The following IL1RL2 variants were observed in gnomAD, a reference collection of about 807,000 sequenced individuals.
IL1RL2 encodes interleukin 1 receptor like 2, also known as interleukin-1 receptor-like 2.
In IL1RL2, 68 loss-of-function variants were observed where a neutral mutation model predicts 66.8. That is an observed-to-expected ratio of 1.02 (90% CI 0.84 to 1.25). IL1RL2 has a LOEUF of 1.25. IL1RL2 is among the 50% of genes most tolerant of loss of function. The pLI is 0.00. For synonymous variants in IL1RL2, 305 were observed against 264.6 expected, an observed-to-expected ratio of 1.15 and a Z score of -1.48; for missense variants, 729 against 709.3, an observed-to-expected ratio of 1.03 and a Z score of -0.32.
At position 102,213,503 on chromosome 2, in the gene IL1RL2, ATTAT is replaced by A. The variant is rs548598297; in HGVS notation, c.724+1332_724+1335del. 7.0e-3 allele frequency among the ~76,000 whole-genome samples: 1,063 copies of A among 152,298 alleles called. 7 individuals are homozygous for A. Among genetic ancestry groups the A allele is most frequent in the African/African-American group, 0.019 (806 of 41,568 alleles). ...ATCGTACCCATAAATATATGTAATT[ATTAT>A]TTGTCTATTAAAACTAAAGAAAAAT... is the stretch of plus-strand genomic sequence containing the variant. On this transcript the variant is annotated intron_variant, in intron 6 of 11. Coordinates refer to ENST00000264257, the MANE Select transcript of IL1RL2 (RefSeq NM_003854.4).
At chr2:102,235,427 T>G (rs1674796424) in intron 11 of IL1RL2, 150 bp downstream of exon 11, 5 of 1,444,534 alleles carry the variant, frequency 3.5e-6, no homozygotes, top group Non-Finnish European at 4.5e-6. Flanking sequence ...CTGTTGTGTT[T>G]GTTGTCATTT....
intron 4 of IL1RL2, 66 bp downstream of exon 4, chr2:102,192,186 T>C: frequency 9.0e-6 from 10 of 1,112,192 alleles, no homozygotes; most frequent in Non-Finnish European, 1.3e-5. Flanking sequence ...TTTTTATAGG[T>C]TAAGTTGTAT....
chr2:102,194,710 CTG>C (rs145175486), intron 4 of IL1RL2, among the ~76,000 whole-genome samples: 3 of 151,202 alleles, frequency 2.0e-5, no homozygotes, highest in South Asian at 2.1e-4. Context: ...ACTTGGATGT[CTG>C]TGTGTGTGTG....
chr2:102,201,356 C>T (rs1485181021), intron 4 of IL1RL2, among the ~76,000 whole-genome samples, 200 bp from the exon 5 acceptor site: 1 of 152,096 alleles, frequency 6.6e-6, no homozygotes, highest in African/African-American at 2.4e-5. Flanking sequence ...CACATATATA[C>T]ACATTATATA....
chr2:102,230,619 G>C (rs1047356435), intron 9 of IL1RL2, among the ~76,000 whole-genome samples: 3 of 152,208 alleles, frequency 2.0e-5, no homozygotes, highest in Admixed American at 2.0e-4. Flanking sequence ...GGCAGGGCAG[G>C]GAGCCAACGA....
intron 9 of IL1RL2, among the ~76,000 whole-genome samples, chr2:102,227,528 T>A (rs1262277423): frequency 6.6e-6 from 1 of 152,156 alleles, no homozygotes; most frequent in Non-Finnish European, 1.5e-5. Context: ...CAGTGCAACC[T>A]GAAGTGCTGC....
chr2:102,197,487 G>A (rs1370506435), intron 4 of IL1RL2, among the ~76,000 whole-genome samples: 1 of 152,186 alleles, frequency 6.6e-6, no homozygotes, highest in African/African-American at 2.4e-5. Flanking sequence ...AGAAAGTTCA[G>A]GTGGAAAAGT....
At chr2:102,202,327 A>C (rs1688331514) in intron 5 of IL1RL2, among the ~76,000 whole-genome samples, 2 of 151,792 alleles carry the variant, frequency 1.3e-5, no homozygotes, top group Non-Finnish European at 2.9e-5. Flanking sequence ...TTTTGTGGGT[A>C]CATAATAGGT....
rs781400207 is a variant in IL1RL2, at chr2:102,225,890, A to T, written c.992-8A>T. The stretch of plus-strand genomic sequence containing the variant: ...TAATTATTATTATTTTTTTGCTGTC[A>T]TTTGTAGCTCCGGATTTTCGAGCTT... On this transcript the variant is annotated splice_region_variant and splice_polypyrimidine_tract_variant and intron_variant, in intron 8 of 11. Coordinates refer to ENST00000264257, the MANE Select transcript of IL1RL2 (RefSeq NM_003854.4). 3.2e-6 allele frequency: 5 copies of T among 1,556,706 alleles called. No individual in the cohort carries two copies. The highest frequency in any genetic ancestry group is 1.2e-5 in the South Asian group (1 of 80,016).
intron 9 of IL1RL2, among the ~76,000 whole-genome samples, chr2:102,227,999 A>G (rs1690782875): frequency 6.6e-6 from 1 of 152,172 alleles, no homozygotes; most frequent in Non-Finnish European, 1.5e-5. Context: ...CAGATGAGAG[A>G]GTTAGGCAGC....
In IL1RL2 at chr2:102,212,137, C is replaced by G. The variant is rs150242167; in HGVS notation, c.687C>G (p.Ile229Met). 7.5e-4 allele frequency: 1,216 copies of G among 1,613,374 alleles called. No individual in the cohort carries two copies. The highest frequency in any genetic ancestry group is 4.0e-3 in the Middle Eastern group (24 of 6,058). Residue 229 changes from isoleucine (I) to methionine (M), a missense_variant, in exon 6 of 12, where the codon ATC (isoleucine) becomes ATG (methionine). Coordinates refer to ENST00000264257, the MANE Select transcript of IL1RL2 (RefSeq NM_003854.4). ...RAGYGGSVPKIIYPKNHSIEV... is the reference protein window; with the variant it reads ...RAGYGGSVPKMIYPKNHSIEV... Reference sequence around the variant, plus strand: ...GATATGGAGGAAGTGTCCCTAAAATCATTTATCCAAAAAATCATTCAATTG... The same window carrying G: ...GATATGGAGGAAGTGTCCCTAAAATGATTTATCCAAAAAATCATTCAATTG...
At chr2:102,231,250 A>G (rs771063671) in intron 9 of IL1RL2, among the ~76,000 whole-genome samples, 1 of 151,944 alleles carries the variant, frequency 6.6e-6, no homozygotes, top group South Asian at 2.1e-4. Context: ...CCACTCTTAG[A>G]CCCTCACTTT....
At chr2:102,187,691 G>A (rs1686808738) in intron 1 of IL1RL2, among the ~76,000 whole-genome samples, 165 bp from the exon 2 acceptor site, 1 of 152,226 alleles carries the variant, frequency 6.6e-6, no homozygotes, top group Non-Finnish European at 1.5e-5. Flanking sequence ...CAGGGGAAGG[G>A]CAGTCTTTGG....
intron 6 of IL1RL2, among the ~76,000 whole-genome samples, chr2:102,217,600 C>A (rs1689722998): frequency 6.6e-6 from 1 of 152,034 alleles, no homozygotes; most frequent in Non-Finnish European, 1.5e-5. Context: ...ATCAATGGAG[C>A]AGAATAGAGA....
chr2:102,188,032 C>CT, intron 2 of IL1RL2, 107 bp downstream of exon 2: 1 of 1,066,042 alleles, frequency 9.4e-7, no homozygotes, highest in East Asian at 2.4e-5. Flanking sequence ...CGGCTCCTTC[C>CT]CCTCCCCAGA....
intron 3 of IL1RL2, among the ~76,000 whole-genome samples, chr2:102,191,190 T>C (rs778056733): frequency 6.6e-6 from 1 of 152,182 alleles, no homozygotes; most frequent in Admixed American, 6.5e-5. Flanking sequence ...AATACTGCCT[T>C]AGCCCTTAAT....
chr2:102,238,774 A>T (rs1675085523), intron 11 of IL1RL2, among the ~76,000 whole-genome samples: 1 of 152,110 alleles, frequency 6.6e-6, no homozygotes, highest in Non-Finnish European at 1.5e-5. Context: ...ACACATCTCC[A>T]GTAGTAATAT....
intron 8 of IL1RL2, among the ~76,000 whole-genome samples, chr2:102,224,495 C>T (rs1352791189): frequency 1.3e-5 from 2 of 152,092 alleles, no homozygotes; most frequent in Non-Finnish European, 2.9e-5. Context: ...CATATTTTTA[C>T]TCATTTGTGA....
intron 9 of IL1RL2, among the ~76,000 whole-genome samples, chr2:102,228,192 C>G (rs1277845819): frequency 6.6e-6 from 1 of 152,158 alleles, no homozygotes; most frequent in East Asian, 1.9e-4. Flanking sequence ...GAGAACTGCC[C>G]TGTAATATCT....
Sources: allele counts gnomAD v4.1 joint callset (sites outside exome capture counted in the v4.1 genomes callset), GRCh38; gene constraint gnomAD v4.1.1; transcripts MANE v1.5; gene names NCBI Gene and HGNC (gene_info 2026-07-23, HGNC 2026-07-21).